LRMDA: variants seen among roughly 807,000 people sequenced by gnomAD.
LRMDA encodes leucine rich melanocyte differentiation associated.
Under a neutral mutation model 29.8 loss-of-function variants are expected in LRMDA, and 18 were observed. The ratio of observed to expected loss-of-function variants is 0.60; its 90% CI spans 0.42 to 0.90. The LOEUF is 0.90. LRMDA is among the 40% of genes least tolerant of loss of function. The pLI, the probability that LRMDA is intolerant of heterozygous loss-of-function variation, is 0.00. For synonymous variants in LRMDA, 125 were observed against 109.4 expected (o/e 1.14, Z -0.89); for missense variants, 273 against 273.9 (o/e 1.00, Z 0.02).
intron 2 of LRMDA, among the ~76,000 whole-genome samples, chr10:76,019,288 A>G (rs1564631702): frequency 6.6e-6 from 1 of 152,122 alleles, no homozygotes; most frequent in East Asian, 1.9e-4. Context: ...TAAGATGTAC[A>G]TTTCTTTTAC....
At chr10:75,806,874 C>T (rs1843863875) in intron 2 of LRMDA, among the ~76,000 whole-genome samples, 1 of 151,162 alleles carries the variant, frequency 6.6e-6, no homozygotes, top group South Asian at 2.1e-4. Flanking sequence ...CCCCACAGTT[C>T]TTCCTATTCT....
intron 5 of LRMDA, among the ~76,000 whole-genome samples, chr10:76,208,676 C>T (rs925699427): frequency 8.5e-5 from 13 of 152,150 alleles, no homozygotes; most frequent in African/African-American, 2.9e-4. Context: ...TTGCATTCAG[C>T]AGTGAAGCCC....
At chr10:75,996,765 G>A (rs1469893927) in intron 2 of LRMDA, among the ~76,000 whole-genome samples, 2 of 150,598 alleles carry the variant, frequency 1.3e-5, no homozygotes, top group Non-Finnish European at 3.0e-5. Context: ...CGGAGTCTCG[G>A]TCTGTCGTCC....
chr10:75,562,800 G>T (rs1296782433), intron 2 of LRMDA, among the ~76,000 whole-genome samples: 1 of 152,032 alleles, frequency 6.6e-6, no homozygotes, highest in Non-Finnish European at 1.5e-5. Context: ...GCTTAGTTTG[G>T]CTGGATATGA....
intron 2 of LRMDA, among the ~76,000 whole-genome samples, chr10:75,648,032 C>G (rs1207235074): frequency 6.6e-6 from 1 of 152,142 alleles, no homozygotes; most frequent in Non-Finnish European, 1.5e-5. Context: ...AGCACAACTT[C>G]CCTTTGGGTG....
intron 2 of LRMDA, among the ~76,000 whole-genome samples, chr10:75,785,744 C>G (rs1051137159): frequency 4.6e-5 from 7 of 152,206 alleles, no homozygotes; most frequent in Admixed American, 3.3e-4. Context: ...AGCAATCTAT[C>G]AAAACGATAG....
chr10:76,396,658 C>T (rs1449883703), intron 6 of LRMDA: 1 of 152,102 alleles, frequency 6.6e-6, no homozygotes, highest in African/African-American at 2.4e-5. Context: ...CCTCTCCGCA[C>T]CACTAGAACT....
chr10:76,514,180 T>A (rs1488709317), intron 6 of LRMDA, among the ~76,000 whole-genome samples: 1 of 152,166 alleles, frequency 6.6e-6, no homozygotes, highest in Non-Finnish European at 1.5e-5. Context: ...TTAGGTTGAT[T>A]AAGTCTATAG....
intron 5 of LRMDA, 26 bp downstream of exon 5, chr10:76,058,809 A>C (rs1848658143): frequency 6.5e-7 from 1 of 1,548,632 alleles, no homozygotes; most frequent in Non-Finnish European, 8.9e-7. Flanking sequence ...GCTGTTCTTC[A>C]CAAGGGATTT....
chr10:76,257,530 C>T (rs1036625106), intron 5 of LRMDA, among the ~76,000 whole-genome samples: 3 of 152,026 alleles, frequency 2.0e-5, no homozygotes, highest in Middle Eastern at 3.4e-3. Flanking sequence ...GACGGAGTTT[C>T]ACCATGTTGG....
intron 2 of LRMDA, among the ~76,000 whole-genome samples, chr10:75,525,593 T>C (rs1230390498): frequency 1.1e-4 from 3 of 27,156 alleles, no homozygotes; most frequent in Non-Finnish European, 2.6e-4. Context: ...TCTTTCTTTC[T>C]TTTTTTTTTT....
intron 2 of LRMDA, among the ~76,000 whole-genome samples, chr10:76,006,925 C>T (rs1000742231): frequency 1.8e-4 from 27 of 151,132 alleles, no homozygotes; most frequent in African/African-American, 6.3e-4. Context: ...AGCAGTTCCT[C>T]GGCAAAGCAC....
rs111608328 is a variant in LRMDA, at chr10:75,732,114, G to T, written c.131+293620G>T. ...GAAATATGAATTTGTGAGTTTTTTT[G>T]TGTGTGTGTAATAAATTTTTATCAG... On this transcript the variant is annotated intron_variant, in intron 2 of 6. Transcript: ENST00000611255. Among the ~76,000 whole-genome samples the T allele has an allele frequency of 5.2e-3, 775 of 150,338 alleles. 5 individuals carry two copies. Among genetic ancestry groups the T allele is most frequent in the Middle Eastern group, 0.014 (4 of 294 alleles).
chr10:75,507,904 C>G (rs1205151956), intron 2 of LRMDA, among the ~76,000 whole-genome samples: 1 of 152,224 alleles, frequency 6.6e-6, no homozygotes, highest in African/African-American at 2.4e-5. Flanking sequence ...ATCTATAAAG[C>G]CCTGGCCTAG....
chr10:75,942,673 T>A (rs1846411653), intron 2 of LRMDA, among the ~76,000 whole-genome samples: 1 of 152,158 alleles, frequency 6.6e-6, no homozygotes, highest in Admixed American at 6.5e-5. Context: ...CCTGGAGGAT[T>A]TGGCCTGGTC....
intron 6 of LRMDA, among the ~76,000 whole-genome samples, chr10:76,327,173 C>G (rs1419827550): frequency 6.7e-6 from 1 of 149,664 alleles, no homozygotes; most frequent in Non-Finnish European, 1.5e-5. Context: ...CTCACTGCAA[C>G]CTCCGCCTCC....
At chr10:76,186,998 C>G (rs998599672) in intron 5 of LRMDA, among the ~76,000 whole-genome samples, 2 of 152,164 alleles carry the variant, frequency 1.3e-5, no homozygotes, top group Non-Finnish European at 2.9e-5. Context: ...TTTGATTCAA[C>G]AGTTATTTAC....
chr10:75,732,915 G>A (rs1245624344), intron 2 of LRMDA, among the ~76,000 whole-genome samples: 1 of 152,262 alleles, frequency 6.6e-6, no homozygotes, highest in African/African-American at 2.4e-5. Context: ...GAGGGTCCAG[G>A]GAAGCAGTCT....
intron 6 of LRMDA, among the ~76,000 whole-genome samples, chr10:76,454,158 C>A (rs375993034): frequency 1.3e-5 from 2 of 152,182 alleles, no homozygotes; most frequent in Non-Finnish European, 2.9e-5. Flanking sequence ...TCTAGAACAA[C>A]ATTCATTTTG....
Sources: gnomAD v4.1 joint callset for allele counts (sites outside exome capture counted in the v4.1 genomes callset) on GRCh38, gnomAD v4.1.1 for gene constraint, MANE v1.5 for transcripts, NCBI Gene and HGNC (gene_info 2026-07-23, HGNC 2026-07-21) for gene names.